MCTP1: variants seen among roughly 807,000 people sequenced by gnomAD.
MCTP1 encodes multiple C2 and transmembrane domain-containing protein 1.
Under a neutral mutation model 120.6 loss-of-function variants are expected in MCTP1, and 69 were observed. The ratio of observed to expected loss-of-function variants is 0.57; its 90% CI spans 0.47 to 0.70. The LOEUF (loss-of-function observed/expected upper bound fraction) is 0.70. Ranked by LOEUF, MCTP1 falls within the 30% of genes least tolerant of loss-of-function variation. MCTP1 has a pLI of 0.00. For missense variants in MCTP1, 1,203 were observed against 1,248.8 expected (o/e 0.96, Z 0.55); for synonymous variants, 529 against 493.1 (o/e 1.07, Z -0.96).
rs959565255 is a variant in MCTP1 at position 94,761,281 on chromosome 5, A to T, written c.2610+17829T>A. Among the ~76,000 whole-genome samples the T allele has an allele frequency of 5.3e-5, 8 of 152,310 alleles. No individual in the cohort carries two copies. In the East Asian group the frequency reaches 1.5e-3, roughly 29 times the overall value. On this transcript the variant is annotated intron_variant, in intron 19 of 22. Transcript: ENST00000515393. ...GATGTCCATTACAATTTAGATTGGA[A>T]TTTCCTACAGGATTCTTTGCAACTC... is the stretch of plus-strand genomic sequence containing the variant.
intron 17 of MCTP1, among the ~76,000 whole-genome samples, chr5:94,839,358 C>T (rs1367038385): frequency 6.6e-6 from 1 of 152,112 alleles, no homozygotes; most frequent in Non-Finnish European, 1.5e-5. Flanking sequence ...CCTACTCACC[C>T]AGAGTAGGAG....
intron 17 of MCTP1, among the ~76,000 whole-genome samples, chr5:94,806,064 G>A (rs992049543): frequency 1.3e-5 from 2 of 151,750 alleles, no homozygotes; most frequent in African/African-American, 4.8e-5. Flanking sequence ...GTATGGCAAA[G>A]AGGTCAAAAA....
At chr5:94,790,348 C>T (rs555049225) in intron 18 of MCTP1, among the ~76,000 whole-genome samples, 30 of 152,270 alleles carry the variant, frequency 2.0e-4, no homozygotes, top group Admixed American at 7.2e-4. Context: ...GGGTGCGGCA[C>T]GCAAGAGAAA....
chr5:94,911,433 G>T (rs905694063), intron 9 of MCTP1, among the ~76,000 whole-genome samples: 2 of 152,172 alleles, frequency 1.3e-5, no homozygotes, highest in African/African-American at 4.8e-5. Flanking sequence ...AATCATGGGG[G>T]CGGACATCCC....
chr5:95,234,746 GA>G (rs1356786254), intron 1 of MCTP1, among the ~76,000 whole-genome samples: 4 of 152,038 alleles, frequency 2.6e-5, no homozygotes, highest in Non-Finnish European at 4.4e-5. Context: ...AGAAGATATA[GA>G]CAAATTCCTT....
intron 19 of MCTP1, among the ~76,000 whole-genome samples, chr5:94,757,999 A>G (rs1770344127): frequency 6.6e-6 from 1 of 152,212 alleles, no homozygotes; most frequent in Non-Finnish European, 1.5e-5. Context: ...TTCAGGAAAC[A>G]AGTTTAGTAA....
rs74894953 is a variant in MCTP1 at position 94,718,492 on chromosome 5, G to A, written c.2611-3606C>T. Among the ~76,000 whole-genome samples the A allele has an allele frequency of 6.0e-3, 910 of 152,010 alleles. 27 individuals are homozygous for A. Among genetic ancestry groups the A allele is most frequent in the East Asian group, 0.03 (157 of 5,154 alleles). ...CTAAAGCGAACATTTTGATTTGGTTGCAATGCAACCAAAGCAAAAATTAAC... is the reference window on the plus strand; with the variant it reads ...CTAAAGCGAACATTTTGATTTGGTTACAATGCAACCAAAGCAAAAATTAAC... On this transcript the variant is annotated intron_variant, in intron 19 of 22. Transcript: ENST00000515393.
chr5:94,823,145 T>C (rs1221447386), intron 17 of MCTP1, among the ~76,000 whole-genome samples: 1 of 152,222 alleles, frequency 6.6e-6, no homozygotes, highest in Non-Finnish European at 1.5e-5. Flanking sequence ...CTGAATGGTA[T>C]TGCCTAGGTT....
chr5:95,149,219 C>A (rs1760677408), intron 1 of MCTP1, among the ~76,000 whole-genome samples: 1 of 152,196 alleles, frequency 6.6e-6, no homozygotes, highest in Admixed American at 6.5e-5. Flanking sequence ...GAGGCCACAG[C>A]TGGCAGATAG....
At chr5:95,168,328 A>G (rs1251906035) in intron 1 of MCTP1, among the ~76,000 whole-genome samples, 3 of 152,120 alleles carry the variant, frequency 2.0e-5, no homozygotes, top group Non-Finnish European at 4.4e-5. Context: ...GTCAGGTAGC[A>G]TGATGCCTCC....
At chr5:95,010,588 T>C (rs1406120183) in intron 2 of MCTP1, among the ~76,000 whole-genome samples, 2 of 152,208 alleles carry the variant, frequency 1.3e-5, no homozygotes, top group African/African-American at 2.4e-5. Flanking sequence ...CTTATTTTTA[T>C]CTTTACCCAA....
At chr5:95,063,596 TA>T (rs1187657540) in intron 1 of MCTP1, among the ~76,000 whole-genome samples, 2 of 152,182 alleles carry the variant, frequency 1.3e-5, no homozygotes, top group African/African-American at 4.8e-5. Flanking sequence ...GGATGTTCAC[TA>T]CAGCACACTC....
intron 17 of MCTP1, among the ~76,000 whole-genome samples, chr5:94,829,526 G>A (rs1292681771): frequency 3.3e-5 from 5 of 152,256 alleles, no homozygotes; most frequent in Middle Eastern, 3.4e-3. Context: ...TTTCCTGGCT[G>A]ACTCTAGAAC....
Position 95,060,766 on chromosome 5 carries a change from G to A in MCTP1, c.721-43282C>T, listed in dbSNP as rs531599619. 7.6e-4 allele frequency among the ~76,000 whole-genome samples: 115 copies of A among 152,134 alleles called. 1 individual carries two copies. The highest frequency in any genetic ancestry group is 2.7e-3 in the African/African-American group (112 of 41,530). ...GTGGGTGGATCACCTGAGGTTAGGA[G>A]TTTGAGAACAGCCTGGCCAATATGG... On this transcript the variant is annotated intron_variant, in intron 1 of 22. Coordinates refer to ENST00000515393, the MANE Select transcript of MCTP1 (RefSeq NM_024717.7).
chr5:95,001,752 CA>C (rs1833743043), intron 2 of MCTP1, among the ~76,000 whole-genome samples: 1 of 152,134 alleles, frequency 6.6e-6, no homozygotes, highest in South Asian at 2.1e-4. Context: ...GGAAAATTTG[CA>C]GCCTGATGAT....
intron 8 of MCTP1, among the ~76,000 whole-genome samples, chr5:94,914,467 A>T (rs1809558469): frequency 6.6e-6 from 1 of 152,246 alleles, no homozygotes; most frequent in Non-Finnish European, 1.5e-5. Flanking sequence ...GGAAAATGAA[A>T]ACTACATTCT....
chr5:95,176,079 C>G (rs1747939393), intron 1 of MCTP1, among the ~76,000 whole-genome samples: 2 of 152,154 alleles, frequency 1.3e-5, no homozygotes, highest in African/African-American at 2.4e-5. Context: ...TATTTATAGG[C>G]CTTCTTGCCT....
At chr5:95,105,402 T>C (rs1295486745) in intron 1 of MCTP1, among the ~76,000 whole-genome samples, 6 of 152,120 alleles carry the variant, frequency 3.9e-5, no homozygotes. Context: ...TTCATGGAAT[T>C]GGGGTCATTA....
intron 1 of MCTP1, among the ~76,000 whole-genome samples, chr5:95,026,798 C>A (rs556484183): frequency 1.3e-5 from 2 of 152,264 alleles, no homozygotes; most frequent in East Asian, 1.9e-4. Context: ...ATGATCACTG[C>A]AGATCTAACT....
Sources: allele counts gnomAD v4.1 joint callset (sites outside exome capture counted in the v4.1 genomes callset), GRCh38; gene constraint gnomAD v4.1.1; transcripts MANE v1.5; gene names NCBI Gene and HGNC (gene_info 2026-07-23, HGNC 2026-07-21).